Variants in SYNE2 observed in about 807,000 individuals in gnomAD.
The protein encoded by SYNE2 is spectrin repeat containing nuclear envelope protein 2, also known as nesprin-2.
In SYNE2, 431 loss-of-function variants were observed where a neutral mutation model predicts 856.3. The ratio of observed to expected loss-of-function variants is 0.50; its 90% CI spans 0.47 to 0.55. SYNE2 has a LOEUF of 0.55. Among genes scored for constraint, SYNE2 ranks in the 20% least tolerant of loss-of-function variants. The probability of loss-of-function intolerance (pLI) is 0.00; values close to 1 mark genes in which losing one functional copy is unlikely to be tolerated. For synonymous variants in SYNE2, 2,923 were observed against 2,872.3 expected (o/e 1.02, Z -0.56); for missense variants, 8,129 against 8,023.2 (o/e 1.01, Z -0.50).
chr14:64,136,010 C>T (rs1242509776), intron 78 of SYNE2, among the ~76,000 whole-genome samples: 1 of 152,160 alleles, frequency 6.6e-6, no homozygotes, highest in Non-Finnish European at 1.5e-5. Flanking sequence ...GTGAATTAGG[C>T]TGGGCGTGGT....
At chr14:63,888,759 C>A (rs2095056358) in intron 1 of SYNE2, among the ~76,000 whole-genome samples, 1 of 152,128 alleles carries the variant, frequency 6.6e-6, no homozygotes, top group African/African-American at 2.4e-5. Context: ...GAGACTAATC[C>A]TTGTTGTTCT....
At chr14:64,093,223 T>G (rs1450617387) in intron 60 of SYNE2, 126 bp from the exon 61 acceptor site, 21 of 1,094,986 alleles carry the variant, frequency 1.9e-5, no homozygotes, top group Non-Finnish European at 2.8e-5. Flanking sequence ...CACGTCCTAT[T>G]GAAATCTCAA....
chr14:64,083,061 T>C (rs1044282294), intron 57 of SYNE2, among the ~76,000 whole-genome samples: 3 of 152,186 alleles, frequency 2.0e-5, no homozygotes, highest in African/African-American at 7.2e-5. Flanking sequence ...AGAATCAGAC[T>C]TCCAAGGTGA....
At chr14:63,911,845 A>C (rs1389175038) in intron 2 of SYNE2, among the ~76,000 whole-genome samples, 1 of 152,212 alleles carries the variant, frequency 6.6e-6, no homozygotes, top group Non-Finnish European at 1.5e-5. Flanking sequence ...ATAATTAGCA[A>C]ATTACTGAGA....
chr14:63,791,794 A>T (rs951533444), intron 1 of SYNE2, among the ~76,000 whole-genome samples: 5 of 152,050 alleles, frequency 3.3e-5, no homozygotes, highest in Admixed American at 6.6e-5. Context: ...AATACAAAAA[A>T]ATTAGCCGGG....
chr14:64,207,989 T>G (rs575925313), intron 100 of SYNE2: 19 of 456,126 alleles, frequency 4.2e-5, no homozygotes, highest in Non-Finnish European at 7.1e-5. Context: ...AAATATTATC[T>G]GATGATGACT....
intron 1 of SYNE2, among the ~76,000 whole-genome samples, chr14:63,888,212 C>T (rs1269350464): frequency 6.6e-6 from 1 of 152,154 alleles, no homozygotes; most frequent in Non-Finnish European, 1.5e-5. Context: ...CAAACTCGGG[C>T]CTGCTAAGCC....
At chr14:64,101,119 G>A (rs1259057631) in intron 63 of SYNE2, among the ~76,000 whole-genome samples, 2 of 152,142 alleles carry the variant, frequency 1.3e-5, no homozygotes, top group South Asian at 4.1e-4. Flanking sequence ...GAACATGGGA[G>A]TGCAGACATC....
chr14:64,089,755 A>G (rs1485402179), intron 59 of SYNE2, 59 bp downstream of exon 59: 3 of 1,329,798 alleles, frequency 2.3e-6, no homozygotes, highest in Non-Finnish European at 3.1e-6. Context: ...TCTTTTTCAA[A>G]ATATAATATA....
intron 106 of SYNE2, 150 bp from the exon 107 acceptor site, chr14:64,215,136 A>G (rs1175257226): frequency 1.3e-6 from 1 of 784,554 alleles, no homozygotes; most frequent in Non-Finnish European, 2.1e-6. Flanking sequence ...GGCTGGAAAA[A>G]AAAATCTTTC....
intron 1 of SYNE2, among the ~76,000 whole-genome samples, chr14:63,890,355 G>T (rs1484268429): frequency 6.6e-6 from 1 of 152,140 alleles, no homozygotes; most frequent in African/African-American, 2.4e-5. Context: ...GAGCTACTGC[G>T]CTCGGCTATT....
intron 78 of SYNE2, among the ~76,000 whole-genome samples, chr14:64,134,852 C>T (rs1341765671): frequency 2.6e-5 from 4 of 151,130 alleles, no homozygotes; most frequent in East Asian, 3.9e-4. Flanking sequence ...CTGGGCATGG[C>T]GGCATGTGCC....
In SYNE2 at chr14:64,027,508, A is replaced by C. The variant is rs1344690423; in HGVS notation, c.6429A>C (p.Glu2143Asp). 1.9e-6 allele frequency: 3 copies of C among 1,598,744 alleles called. No homozygotes were observed. In the Admixed American group the frequency reaches 5.2e-5, roughly 28 times the overall value. ...GCCATCAAGAAAAGCTTCTACTAGA[A>C]GGAGAGAAATATTTACAAAGTAAGG... The part of the protein sequence containing the change: ...YLSHQEKLLL[E>D]GEKYLQSKED... The change falls in exon 43 of 116, where the codon GAA becomes GAC. Residue 2143 changes from glutamate to aspartate, a missense_variant. This residue lies in a region of SYNE2 where 297 missense variants were observed against 380.9 expected (regional missense o/e 0.78). Coordinates refer to ENST00000555002, the MANE Select transcript of SYNE2 (RefSeq NM_182914.3).
chr14:63,775,803 C>A (rs542402904), intron 1 of SYNE2, among the ~76,000 whole-genome samples: 11 of 152,162 alleles, frequency 7.2e-5, no homozygotes, highest in African/African-American at 2.6e-4. Flanking sequence ...CACTATGTTG[C>A]CTTGGCTGAT....
At chr14:63,946,712 AGT>A (rs1438898782) in intron 6 of SYNE2, among the ~76,000 whole-genome samples, 1 of 149,544 alleles carries the variant, frequency 6.7e-6, no homozygotes, top group Non-Finnish European at 1.5e-5. Context: ...ACTGGACAAA[AGT>A]CCTTTGTAGA....
chr14:64,058,870 TCTGA>T (rs1393678593), intron 49 of SYNE2, among the ~76,000 whole-genome samples: 1 of 152,130 alleles, frequency 6.6e-6, no homozygotes, highest in Non-Finnish European at 1.5e-5. Flanking sequence ...TTTTATCTCC[TCTGA>T]CTGTGTATTT....
intron 11 of SYNE2, among the ~76,000 whole-genome samples, chr14:63,975,478 G>A (rs1210394916): frequency 6.6e-6 from 1 of 151,938 alleles, no homozygotes; most frequent in Non-Finnish European, 1.5e-5. Context: ...GACTATAGGT[G>A]TGCACCACCA....
chr14:63,780,621 G>T (rs1361198231), intron 1 of SYNE2, among the ~76,000 whole-genome samples: 1 of 152,086 alleles, frequency 6.6e-6, no homozygotes, highest in African/African-American at 2.4e-5. Context: ...ACTCTGAATG[G>T]ACATAAAAAT....
chr14:64,214,827 C>G (rs1202101110), intron 106 of SYNE2, among the ~76,000 whole-genome samples: 1 of 152,126 alleles, frequency 6.6e-6, no homozygotes, highest in African/African-American at 2.4e-5. Flanking sequence ...GCAGCCTCAA[C>G]CTCCAGGGCT....
Sources: allele counts gnomAD v4.1 joint callset (sites outside exome capture counted in the v4.1 genomes callset), GRCh38; gene constraint gnomAD v4.1.1; regional missense constraint gnomAD v4.1.1; transcripts MANE v1.5; gene names NCBI Gene and HGNC (gene_info 2026-07-23, HGNC 2026-07-21).